The following CSMD1 variants were observed in gnomAD, a reference collection of about 807,000 sequenced individuals.
CSMD1 encodes CUB and Sushi multiple domains 1.
Under a neutral mutation model 417.5 loss-of-function variants are expected in CSMD1, and 213 were observed. The ratio of observed to expected loss-of-function variants is 0.51; its 90% CI spans 0.46 to 0.57. The LOEUF is 0.57. Among genes scored for constraint, CSMD1 ranks in the 20% least tolerant of loss-of-function variants. The pLI, the probability that CSMD1 is intolerant of heterozygous loss-of-function variation, is 0.00. For synonymous variants in CSMD1, 2,862 were observed against 1,736.8 expected (o/e 1.65, Z -16.11); for missense variants, 6,923 against 4,529.7 (o/e 1.53, Z -15.17).
intron 57 of CSMD1, among the ~76,000 whole-genome samples, chr8:2,970,192 G>C (rs1804322124): frequency 6.6e-6 from 1 of 152,176 alleles, no homozygotes; most frequent in South Asian, 2.1e-4. Context: ...TACTTTGCTG[G>C]ACTAGAACTC....
chr8:2,994,145 C>CAAAAAAAAAAAAAAAAAAAAAAAAAAAAA (rs35438493), intron 54 of CSMD1, among the ~76,000 whole-genome samples: 2 of 30,516 alleles, frequency 6.6e-5, no homozygotes, highest in African/African-American at 4.8e-4. Context: ...AACTCCATCT[C>CAAAAAAAAAAAAAAAAAAAAAAAAAAAAA]AAAAAAAAAA....
At chr8:4,848,197 C>T (rs1801255312) in intron 1 of CSMD1, among the ~76,000 whole-genome samples, 1 of 152,156 alleles carries the variant, frequency 6.6e-6, no homozygotes, top group Admixed American at 6.5e-5. Context: ...ATGGAAATGG[C>T]ACAGTTTGTC....
At chr8:3,823,284 T>C (rs549758003) in intron 5 of CSMD1, among the ~76,000 whole-genome samples, 19 of 152,304 alleles carry the variant, frequency 1.2e-4, no homozygotes, top group African/African-American at 4.3e-4. Context: ...AGATAATGTC[T>C]GGAATCGCTT....
rs1411200186 is a variant in CSMD1, at chr8:3,776,805, G to GAT, written c.819-22764_819-22763insAT. On this transcript the variant is annotated intron_variant, in intron 5 of 69. Transcript: ENST00000635120. ...CAGTGATAGATAGTGACATATAGAC[G>GAT]AGATATATATATATATATACAGATG... 5.7e-3 allele frequency among the ~76,000 whole-genome samples: 556 copies of GAT among 96,764 alleles called. 11 individuals carry two copies. Among genetic ancestry groups the GAT allele is most frequent in the African/African-American group, 0.025 (508 of 20,314 alleles). 63.5% of individuals were successfully genotyped at this position (96,764 alleles called of 152,430 possible).
At chr8:4,951,109 C>A (rs1183456840) in intron 1 of CSMD1, among the ~76,000 whole-genome samples, 2 of 152,074 alleles carry the variant, frequency 1.3e-5, no homozygotes, top group East Asian at 3.9e-4. Flanking sequence ...AAAAAAATGT[C>A]CATCTTTCTG....
intron 26 of CSMD1, among the ~76,000 whole-genome samples, chr8:3,233,820 C>T (rs912830163): frequency 1.3e-5 from 2 of 152,038 alleles, no homozygotes; most frequent in Non-Finnish European, 2.9e-5. Context: ...AGGAGAGTCA[C>T]ATTAGATTAC....
intron 5 of CSMD1, among the ~76,000 whole-genome samples, chr8:3,865,320 T>G (rs772957952): frequency 6.6e-6 from 1 of 152,160 alleles, no homozygotes; most frequent in South Asian, 2.1e-4. Context: ...GCACTCAATT[T>G]TTAATCTGTA....
chr8:4,611,945 A>T (rs1801197547), intron 2 of CSMD1, among the ~76,000 whole-genome samples: 1 of 152,158 alleles, frequency 6.6e-6, no homozygotes, highest in Non-Finnish European at 1.5e-5. Context: ...TGAATTCAGG[A>T]TTTCATTTAG....
At chr8:4,835,734 C>G (rs1800437829) in intron 1 of CSMD1, among the ~76,000 whole-genome samples, 2 of 151,784 alleles carry the variant, frequency 1.3e-5, no homozygotes, top group Admixed American at 1.3e-4. Context: ...TACCCAATCT[C>G]TCTCAGGTGG....
chr8:4,052,318 T>A, intron 3 of CSMD1, among the ~76,000 whole-genome samples: 1 of 152,194 alleles, frequency 6.6e-6, no homozygotes. Flanking sequence ...ATTTAATGCG[T>A]AATTATCATA....
At chr8:3,916,164 T>G (rs1584958666) in intron 5 of CSMD1, among the ~76,000 whole-genome samples, 1 of 152,098 alleles carries the variant, frequency 6.6e-6, no homozygotes, top group Non-Finnish European at 1.5e-5. Context: ...CTCTATTACT[T>G]CAAGAAATTG....
At chr8:4,291,244 T>C (rs1223438400) in intron 3 of CSMD1, among the ~76,000 whole-genome samples, 1 of 152,142 alleles carries the variant, frequency 6.6e-6, no homozygotes, top group African/African-American at 2.4e-5. Context: ...TATGTGCAAA[T>C]ATTAAGTAAT....
At chr8:4,506,554 G>T (rs542333817) in intron 2 of CSMD1, among the ~76,000 whole-genome samples, 1 of 152,150 alleles carries the variant, frequency 6.6e-6, no homozygotes, top group Non-Finnish European at 1.5e-5. Context: ...AAGGGACCTG[G>T]GTCTCTAAAT....
intron 57 of CSMD1, among the ~76,000 whole-genome samples, chr8:2,972,841 C>T (rs946765251): frequency 6.6e-6 from 1 of 152,144 alleles, no homozygotes; most frequent in South Asian, 2.1e-4. Flanking sequence ...ACTGGCAACA[C>T]CACATATAGA....
chr8:4,100,541 G>T (rs144604454), intron 3 of CSMD1, among the ~76,000 whole-genome samples: 7 of 152,152 alleles, frequency 4.6e-5, no homozygotes, highest in Admixed American at 3.3e-4. Context: ...AAGTGTTGAA[G>T]GATCAAATCA....
At chr8:3,405,488 G>C (rs1342483879) in intron 15 of CSMD1, among the ~76,000 whole-genome samples, 1 of 152,172 alleles carries the variant, frequency 6.6e-6, no homozygotes, top group Non-Finnish European at 1.5e-5. Context: ...ACTGTTATAG[G>C]TTGAATTCTG....
chr8:4,969,332 G>C (rs555721206), intron 1 of CSMD1, among the ~76,000 whole-genome samples: 3 of 151,810 alleles, frequency 2.0e-5, no homozygotes, highest in Non-Finnish European at 2.9e-5. Context: ...CAGAATATTG[G>C]CATTTCCTTA....
intron 2 of CSMD1, among the ~76,000 whole-genome samples, chr8:4,460,937 A>T (rs1346181623): frequency 6.6e-6 from 1 of 152,178 alleles, no homozygotes; most frequent in Non-Finnish European, 1.5e-5. Context: ...CAATACCCCA[A>T]TATCAAAGCC....
At chr8:4,273,925 C>T (rs1156314807) in intron 3 of CSMD1, among the ~76,000 whole-genome samples, 2 of 152,140 alleles carry the variant, frequency 1.3e-5, no homozygotes, top group Admixed American at 6.6e-5. Context: ...CACTGGATTA[C>T]TTTTCTATGG....
Sources: allele counts gnomAD v4.1 joint callset (sites outside exome capture counted in the v4.1 genomes callset), GRCh38; gene constraint gnomAD v4.1.1; transcripts MANE v1.5; gene names NCBI Gene and HGNC (gene_info 2026-07-23, HGNC 2026-07-21).